HDC: variants seen among roughly 807,000 people sequenced by gnomAD.
The protein encoded by HDC is histidine decarboxylase.
A neutral mutation model predicts 64.4 loss-of-function variants in HDC; 27 were observed. The observed-to-expected ratio is 0.42, with a 90% CI of 0.31 to 0.58. The LOEUF (loss-of-function observed/expected upper bound fraction) is 0.58. Ranked by LOEUF, HDC falls within the 20% of genes least tolerant of loss-of-function variation. The probability of loss-of-function intolerance (pLI) is 0.16; values close to 1 mark genes in which losing one functional copy is unlikely to be tolerated. For missense variants in HDC, 711 were observed against 833.9 expected, an observed-to-expected ratio of 0.85 and a Z score of 1.81; for synonymous variants, 305 against 314.2, an observed-to-expected ratio of 0.97 and a Z score of 0.31.
chr15:50,245,772 G>A (rs2045473855), intron 10 of HDC, among the ~76,000 whole-genome samples: 5 of 152,148 alleles, frequency 3.3e-5, no homozygotes, highest in Admixed American at 3.3e-4. Context: ...GTATGCGCCT[G>A]TAGTCCCAGC....
At chr15:50,246,958 A>G (rs2045490397) in intron 10 of HDC, among the ~76,000 whole-genome samples, 1 of 152,230 alleles carries the variant, frequency 6.6e-6, no homozygotes, top group Non-Finnish European at 1.5e-5. Context: ...AGGAAACTGG[A>G]GAACATTATG....
chr15:50,257,007 G>A lies in HDC; in HGVS notation c.441+418C>T, dbSNP rs79647060. Reference sequence around the variant, plus strand: ...CCAGAAGATAGGGTCAGAGGATACCGTTAATCAGTTTATGCTGTTAATTGC... The same window carrying A: ...CCAGAAGATAGGGTCAGAGGATACCATTAATCAGTTTATGCTGTTAATTGC... On this transcript the variant is annotated intron_variant, in intron 4 of 11. Coordinates refer to ENST00000267845, the MANE Select transcript of HDC (RefSeq NM_002112.4). Among the ~76,000 whole-genome samples, 1,265 of 152,276 alleles carry A rather than the reference G, an allele frequency of 8.3e-3. 10 individuals carry two copies. Among genetic ancestry groups the A allele is most frequent in the African/African-American group, 0.022 (929 of 41,542 alleles).
At position 50,253,608 on chromosome 15, in the gene HDC, C is replaced by A; in HGVS notation, c.779G>T (p.Gly260Val). Residue 260 changes from glycine (G) to valine (V), a missense_variant, in exon 7 of 12, where the codon GGC becomes GTC. Physicochemically the swap from Gly to Val is moderately radical, Grantham distance 109 (BLOSUM62 -3). This residue lies in a region of HDC where 483 missense variants were observed against 540.9 expected (regional missense o/e 0.89). Transcript: ENST00000267845. ...AGAGGGAAGATACTTACAGATGGGG[C>A]CCAGCTCTGACAGGCAGTCAAATGC... is the stretch of plus-strand genomic sequence containing the variant. ...VCAFDCLSEL[G>V]PICAREGLWL... The A allele has an allele frequency of 6.2e-7, 1 of 1,613,812 alleles. No individual in the cohort carries two copies. Among genetic ancestry groups the A allele is most frequent in the Non-Finnish European group, 8.5e-7 (1 of 1,179,818 alleles).
chr15:50,249,849 T>C (rs1388110340), intron 9 of HDC, among the ~76,000 whole-genome samples: 1 of 152,256 alleles, frequency 6.6e-6, no homozygotes, highest in Non-Finnish European at 1.5e-5. Context: ...ACAATCTTCC[T>C]TATTCCCAGT....
intron 2 of HDC, among the ~76,000 whole-genome samples, chr15:50,261,623 CAA>C (rs11418562): frequency 7.4e-5 from 7 of 95,060 alleles, no homozygotes; most frequent in East Asian, 3.3e-4. Flanking sequence ...TCTATTGCTT[CAA>C]AAAAAAAAAA....
At chr15:50,251,131 GC>G (rs2045548942) in intron 9 of HDC, among the ~76,000 whole-genome samples, 2 of 152,230 alleles carry the variant, frequency 1.3e-5, no homozygotes, top group African/African-American at 4.8e-5. Context: ...GTGGTCATCA[GC>G]CTCATTTGAC....
At chr15:50,264,466 A>C (rs149838160) in intron 1 of HDC, among the ~76,000 whole-genome samples, 5 of 152,310 alleles carry the variant, frequency 3.3e-5, no homozygotes, top group African/African-American at 1.2e-4. Flanking sequence ...CTAAAAAAAA[A>C]TGTATCAAGT....
intron 4 of HDC, among the ~76,000 whole-genome samples, chr15:50,254,977 G>A (rs2045611942): frequency 6.6e-6 from 1 of 152,152 alleles, no homozygotes; most frequent in Non-Finnish European, 1.5e-5. Flanking sequence ...CCTCCTGGAT[G>A]TGTTTGCTCC....
chr15:50,242,902 A>G lies in HDC; in HGVS notation c.1347T>C (p.Thr449=), dbSNP rs753303943. The G allele has an allele frequency of 6.2e-6, 10 of 1,614,196 alleles. No individual in the cohort carries two copies. In the East Asian group the frequency reaches 2.2e-4, roughly 36 times the overall value. The change falls in exon 12 of 12, where the codon ACT becomes ACC. Residue 449 remains threonine, a synonymous_variant. Transcript: ENST00000267845. The part of the protein sequence containing the change: ...TIQDKLIIRF[T]VTSQFTTRDD... ...CCCTAGTGGTAAACTGGGATGTCAC[A>G]GTGAAACGGATGATTAACTTGTCCT...
intron 2 of HDC, among the ~76,000 whole-genome samples, chr15:50,259,265 C>T (rs1447349940): frequency 1.3e-5 from 2 of 152,138 alleles, no homozygotes; most frequent in Admixed American, 6.5e-5. Context: ...TTATGGAGCA[C>T]TGAGCTCCCT....
intron 2 of HDC, among the ~76,000 whole-genome samples, chr15:50,259,802 T>C (rs2045679581): frequency 6.6e-6 from 1 of 152,170 alleles, no homozygotes. Context: ...TAGGGCATCA[T>C]CCTGTTCTTT....
chr15:50,261,295 T>C (rs2045699619), intron 2 of HDC, among the ~76,000 whole-genome samples: 2 of 152,238 alleles, frequency 1.3e-5, no homozygotes, highest in South Asian at 4.1e-4. Context: ...CATTTCCACC[T>C]CTTCTGACAG....
intron 2 of HDC, among the ~76,000 whole-genome samples, chr15:50,261,712 C>CT (rs140597386): frequency 0.012 from 1,667 of 140,262 alleles, 29 homozygotes; most frequent in African/African-American, 0.031. Context: ...ATTTTTGTCA[C>CT]TTTTTTTTTT....
intron 10 of HDC, among the ~76,000 whole-genome samples, chr15:50,243,875 T>C (rs2045440119): frequency 6.6e-6 from 1 of 152,232 alleles, no homozygotes; most frequent in African/African-American, 2.4e-5. Flanking sequence ...GGTTAATGGA[T>C]ACAGAGTTTC....
At chr15:50,247,029 A>G (rs1197430899) in intron 10 of HDC, among the ~76,000 whole-genome samples, 1 of 152,228 alleles carries the variant, frequency 6.6e-6, no homozygotes, top group East Asian at 1.9e-4. Flanking sequence ...CAAACGTGGG[A>G]GTTAAAAAGT....
At chr15:50,254,016 TG>T in intron 6 of HDC, 113 bp downstream of exon 6, 1 of 1,105,516 alleles carries the variant, frequency 9.0e-7, no homozygotes, top group Non-Finnish European at 1.4e-6. Context: ...AAATACTGTA[TG>T]GGAGGACCTT....
intron 9 of HDC, among the ~76,000 whole-genome samples, chr15:50,250,327 C>G (rs1424102008): frequency 1.3e-5 from 2 of 152,192 alleles, no homozygotes; most frequent in Non-Finnish European, 2.9e-5. Flanking sequence ...ATAGCAACTT[C>G]ACTTTTCTAG....
intron 1 of HDC, among the ~76,000 whole-genome samples, chr15:50,264,295 T>G (rs2045741182): frequency 6.6e-6 from 1 of 152,206 alleles, no homozygotes; most frequent in Admixed American, 6.5e-5. Flanking sequence ...CACAGAACTT[T>G]GTGTATAATT....
intron 4 of HDC, among the ~76,000 whole-genome samples, chr15:50,256,187 G>A (rs1176310581): frequency 6.6e-6 from 1 of 152,210 alleles, no homozygotes; most frequent in Non-Finnish European, 1.5e-5. Context: ...ATGTACCGCA[G>A]ACATTTAGCA....
Sources: gnomAD v4.1 joint callset for allele counts (sites outside exome capture counted in the v4.1 genomes callset) on GRCh38, gnomAD v4.1.1 for gene constraint, gnomAD v4.1.1 regional missense constraint, MANE v1.5 for transcripts, NCBI Gene and HGNC (gene_info 2026-07-23, HGNC 2026-07-21) for gene names.